Variants in EIF2AK4 observed in about 807,000 individuals in gnomAD.
The protein encoded by EIF2AK4 is eukaryotic translation initiation factor 2 alpha kinase 4, also known as eIF-2-alpha kinase GCN2.
In EIF2AK4, 139 loss-of-function variants were observed where a neutral mutation model predicts 211.1. The observed-to-expected ratio is 0.66, with a 90% CI of 0.57 to 0.76. EIF2AK4 has a LOEUF of 0.76. Ranked by LOEUF, EIF2AK4 falls within the 30% of genes least tolerant of loss-of-function variation. The pLI, the probability that EIF2AK4 is intolerant of heterozygous loss-of-function variation, is 0.00. For missense variants in EIF2AK4, 1,664 were observed against 2,043.8 expected (o/e 0.81, Z 3.58); for synonymous variants, 710 against 751.3 (o/e 0.94, Z 0.90).
Position 40,030,438 on chromosome 15 carries a change from G to C in EIF2AK4, c.4641G>C (p.Arg1547Ser). 6.2e-7 allele frequency: 1 copy of C among 1,614,018 alleles called. No individual in the cohort carries two copies. Among genetic ancestry groups the C allele is most frequent in the Non-Finnish European group, 8.5e-7 (1 of 1,179,968 alleles). ...CGGAGAAGCTGTCAGCCAGCACTAGGAGGCGCTATGAAACTCAGGTACACT... is the reference window on the plus strand; with the variant it reads ...CGGAGAAGCTGTCAGCCAGCACTAGCAGGCGCTATGAAACTCAGGTACACT... ...LAPEKLSAST[R>S]RRYETQVQTR... is the part of the protein sequence containing the mutation. The change falls in exon 35 of 39, where the codon AGG (arginine) becomes AGC (serine). Residue 1547 changes from arginine to serine, a missense_variant. This residue lies in a region of EIF2AK4 where 138 missense variants were observed against 165.1 expected (regional missense o/e 0.84). Coordinates refer to ENST00000263791, the MANE Select transcript of EIF2AK4 (RefSeq NM_001013703.4).
chr15:39,973,564 G>A (rs1406650520), intron 10 of EIF2AK4, 28 bp from the exon 11 acceptor site: 14 of 1,589,662 alleles, frequency 8.8e-6, no homozygotes, highest in Non-Finnish European at 1.2e-5. Context: ...AATGCCTCAT[G>A]TGCCTCTTAC....
intron 12 of EIF2AK4, 98 bp downstream of exon 12, chr15:39,976,942 T>G (rs2034706739): frequency 7.4e-7 from 1 of 1,344,802 alleles, no homozygotes; most frequent in Non-Finnish European, 9.7e-7. Flanking sequence ...CCTTCCTTCT[T>G]TCCTTCTTTT....
chr15:39,999,347 G>T (rs1196509709), intron 20 of EIF2AK4, among the ~76,000 whole-genome samples: 1 of 152,134 alleles, frequency 6.6e-6, no homozygotes, highest in Non-Finnish European at 1.5e-5. Flanking sequence ...TGGTGAATGT[G>T]TGTATTGGGC....
chr15:40,013,725 G>A (rs944240580), intron 27 of EIF2AK4, among the ~76,000 whole-genome samples: 14 of 152,132 alleles, frequency 9.2e-5, no homozygotes, highest in African/African-American at 3.4e-4. Context: ...ATGACACAGG[G>A]GAATTGTGGG....
rs760605183 is a variant in EIF2AK4, at chr15:40,030,352, G to C, written c.4562-7G>C. 6.8e-6 allele frequency: 11 copies of C among 1,613,500 alleles called. No homozygotes were observed. The highest frequency in any genetic ancestry group is 8.5e-6 in the Non-Finnish European group (10 of 1,179,820). ...GGCCATAAATTCTGAAACTCTCTTG[G>C]TCTCAGGTTTGTTTGAAATCCATGG... On this transcript the variant is annotated splice_polypyrimidine_tract_variant and splice_region_variant and intron_variant, in intron 34 of 38. Coordinates refer to ENST00000263791, the MANE Select transcript of EIF2AK4 (RefSeq NM_001013703.4).
intron 27 of EIF2AK4, among the ~76,000 whole-genome samples, chr15:40,012,746 TTC>T (rs2035251246): frequency 6.6e-6 from 1 of 152,234 alleles, no homozygotes; most frequent in South Asian, 2.1e-4. Flanking sequence ...CTTCTTTTCT[TTC>T]TGTTAAATCT....
At chr15:39,951,607 A>G in intron 4 of EIF2AK4, 1 of 263,886 alleles carries the variant, frequency 3.8e-6, no homozygotes, top group East Asian at 1.1e-4. Context: ...AGTTCAGTGG[A>G]CTTGTGGTAA....
intron 2 of EIF2AK4, among the ~76,000 whole-genome samples, chr15:39,940,592 A>T (rs1033685282): frequency 1.3e-5 from 2 of 152,246 alleles, no homozygotes; most frequent in African/African-American, 4.8e-5. Context: ...TACATACTAT[A>T]AAAATATTAA....
At chr15:39,999,569 T>C (rs970424522) in intron 20 of EIF2AK4, among the ~76,000 whole-genome samples, 1 of 152,236 alleles carries the variant, frequency 6.6e-6, no homozygotes, top group African/African-American at 2.4e-5. Flanking sequence ...TGAATGGACA[T>C]GCCACTTTTC....
chr15:40,009,553 T>G, intron 25 of EIF2AK4, 61 bp from the exon 26 acceptor site: 2 of 999,982 alleles, frequency 2.0e-6, no homozygotes, highest in Non-Finnish European at 3.0e-6. Context: ...AGTTTCCAGA[T>G]TTGGTCATGT....
intron 27 of EIF2AK4, among the ~76,000 whole-genome samples, chr15:40,012,916 GT>G (rs1567004957): frequency 6.6e-6 from 1 of 152,168 alleles, no homozygotes; most frequent in East Asian, 1.9e-4. Flanking sequence ...TTGCCAAAGA[GT>G]TTCACATATC....
intron 33 of EIF2AK4, among the ~76,000 whole-genome samples, chr15:40,027,236 A>G (rs900430049): frequency 8.5e-5 from 13 of 152,242 alleles, no homozygotes; most frequent in African/African-American, 2.7e-4. Flanking sequence ...TTAACACTTT[A>G]GTAGAAGAAA....
intron 29 of EIF2AK4, among the ~76,000 whole-genome samples, chr15:40,018,018 A>C (rs1430966704): frequency 6.6e-6 from 1 of 152,180 alleles, no homozygotes; most frequent in Non-Finnish European, 1.5e-5. Context: ...TTATCAATTC[A>C]AATGAAATGT....
At chr15:39,991,352 C>G (rs1354473051) in intron 16 of EIF2AK4, 2 of 152,240 alleles carry the variant, frequency 1.3e-5, no homozygotes, top group Non-Finnish European at 2.9e-5. Flanking sequence ...AAGAATTTAA[C>G]TTGATATCTG....
chr15:39,969,356 C>CTTTTTTTTTTTTT (rs10550245), intron 9 of EIF2AK4, among the ~76,000 whole-genome samples: 3 of 101,306 alleles, frequency 3.0e-5, no homozygotes, highest in African/African-American at 4.1e-5. Flanking sequence ...ATTTCTTATT[C>CTTTTTTTTTTTTT]TTTTTTTTTT....
intron 13 of EIF2AK4, among the ~76,000 whole-genome samples, chr15:39,979,850 G>A (rs770548638): frequency 1.8e-4 from 27 of 152,058 alleles, no homozygotes; most frequent in African/African-American, 4.1e-4. Flanking sequence ...TTCACATCAC[G>A]GCTTAAGAAA....
intron 20 of EIF2AK4, among the ~76,000 whole-genome samples, chr15:39,999,035 T>C (rs2035059111): frequency 1.3e-5 from 2 of 151,956 alleles, no homozygotes; most frequent in Non-Finnish European, 2.9e-5. Flanking sequence ...GCTTTTGAAG[T>C]GCTATTTGGA....
intron 35 of EIF2AK4, 145 bp downstream of exon 35, chr15:40,030,601 G>A (rs2035528613): frequency 1.2e-6 from 1 of 808,844 alleles, no homozygotes; most frequent in Admixed American, 2.8e-5. Context: ...TTGCCTAACT[G>A]GGTGGCTTCT....
Position 40,034,216 on chromosome 15 carries a change from C to G in EIF2AK4, c.4774-110C>G, listed in dbSNP as rs541454551. 301 of 797,948 alleles carry G rather than the reference C, an allele frequency of 3.8e-4. 3 individuals are homozygous for G. The South Asian group carries it at 4.2e-3, about 11-fold the overall frequency. The allele number at this position is 797,948 out of a possible 1,614,324, so 49.4% of individuals were successfully genotyped here. On this transcript the variant is annotated intron_variant, in intron 37 of 38. Transcript: ENST00000263791. ...TGCTATCTCCCTATTACTGATTCTCCTGGTATACTTGAAGAGGGAAATGAC... is the reference window on the plus strand; with the variant it reads ...TGCTATCTCCCTATTACTGATTCTCGTGGTATACTTGAAGAGGGAAATGAC...
Sources: gnomAD v4.1 joint callset for allele counts (sites outside exome capture counted in the v4.1 genomes callset) on GRCh38, gnomAD v4.1.1 for gene constraint, gnomAD v4.1.1 regional missense constraint, MANE v1.5 for transcripts, NCBI Gene and HGNC (gene_info 2026-07-23, HGNC 2026-07-21) for gene names.